The following ADAM22 variants were observed in gnomAD, a reference collection of about 807,000 sequenced individuals.
ADAM22 encodes ADAM metallopeptidase domain 22, also known as disintegrin and metalloproteinase domain-containing protein 22.
ADAM22 carries 65 observed loss-of-function variants against 144.6 expected under a neutral mutation model. That is an observed-to-expected ratio of 0.45 (90% CI 0.37 to 0.55). ADAM22 has a LOEUF of 0.55. Ranked by LOEUF, ADAM22 falls within the 20% of genes least tolerant of loss-of-function variation. ADAM22 has a pLI of 0.00. For missense variants in ADAM22, 974 were observed against 1,184.9 expected, an observed-to-expected ratio of 0.82 and a Z score of 2.61; for synonymous variants, 391 against 412.6, an observed-to-expected ratio of 0.95 and a Z score of 0.63.
At chr7:88,030,701 T>A (rs931829447) in intron 3 of ADAM22, among the ~76,000 whole-genome samples, 1 of 152,142 alleles carries the variant, frequency 6.6e-6, no homozygotes, top group African/African-American at 2.4e-5. Context: ...GCTCTCTCTC[T>A]CTCATGCCAG....
At chr7:88,015,106 AG>A (rs1796273699) in intron 3 of ADAM22, among the ~76,000 whole-genome samples, 1 of 152,206 alleles carries the variant, frequency 6.6e-6, no homozygotes, top group East Asian at 1.9e-4. Context: ...TTTAATAAAG[AG>A]AAAAAGAAAT....
At chr7:88,138,021 G>A (rs1417436962) in intron 14 of ADAM22, among the ~76,000 whole-genome samples, 1 of 152,064 alleles carries the variant, frequency 6.6e-6, no homozygotes, top group African/African-American at 2.4e-5. Flanking sequence ...AGTCGTGGTG[G>A]CACACACCTG....
intron 3 of ADAM22, among the ~76,000 whole-genome samples, chr7:88,018,689 A>G (rs1161414779): frequency 6.6e-6 from 1 of 152,204 alleles, no homozygotes; most frequent in Non-Finnish European, 1.5e-5. Flanking sequence ...AAGATTCCCA[A>G]TGGTATGTTC....
intron 5 of ADAM22, among the ~76,000 whole-genome samples, chr7:88,110,877 G>A (rs1357757404): frequency 7.4e-6 from 1 of 134,520 alleles, no homozygotes; most frequent in East Asian, 2.2e-4. Flanking sequence ...TGAGTAGCTG[G>A]GATTACAGGT....
intron 4 of ADAM22, among the ~76,000 whole-genome samples, chr7:88,079,413 C>A (rs1324361642): frequency 6.6e-5 from 10 of 152,110 alleles, no homozygotes. Flanking sequence ...TAAAGACCAT[C>A]GAGGCTAGGA....
chr7:88,136,384 A>C (rs1832982148), intron 14 of ADAM22, among the ~76,000 whole-genome samples: 1 of 152,140 alleles, frequency 6.6e-6, no homozygotes, highest in Admixed American at 6.5e-5. Context: ...AAAATTAGAA[A>C]ACAGCCTGGA....
At position 88,145,173 on chromosome 7, in the gene ADAM22, G is replaced by T; in HGVS notation, c.1369G>T (p.Glu457Ter). Reference protein sequence around the residue: ...CGNGFIETGEECDCGTPAECV... With the variant: ...CGNGFIETGE ...CAATGGCTTCATTGAAACTGGAGAG[G>T]AGTGTGATTGTGGAACCCCGGCCGT... is the stretch of plus-strand genomic sequence containing the variant. The change falls in exon 16 of 32, where the codon GAG becomes TAG. Residue 457 changes from glutamate (E) to a stop codon, truncating the protein, a stop_gained. Transcript: ENST00000413139. LOFTEE classifies it high-confidence loss of function. 2.5e-6 allele frequency: 4 copies of T among 1,613,734 alleles called. No individual in the cohort carries two copies. Among genetic ancestry groups the T allele is most frequent in the Non-Finnish European group, 3.4e-6 (4 of 1,179,848 alleles).
chr7:88,136,801 C>T (rs370998000), intron 14 of ADAM22, among the ~76,000 whole-genome samples: 2 of 151,540 alleles, frequency 1.3e-5, no homozygotes, highest in South Asian at 4.2e-4. Context: ...ACCACCTGTT[C>T]CCCCAAAATC....
At chr7:88,158,670 A>G (rs1301678601) in intron 22 of ADAM22, among the ~76,000 whole-genome samples, 1 of 152,162 alleles carries the variant, frequency 6.6e-6, no homozygotes, top group East Asian at 1.9e-4. Flanking sequence ...TAGGTAAATA[A>G]TGAAATTAAG....
At chr7:88,139,276 G>C (rs1833918188) in intron 14 of ADAM22, among the ~76,000 whole-genome samples, 1 of 152,048 alleles carries the variant, frequency 6.6e-6, no homozygotes, top group African/African-American at 2.4e-5. Context: ...AAATTAGCTG[G>C]ATATGATGGC....
chr7:87,944,999 T>TTTC (rs3831540), intron 2 of ADAM22, among the ~76,000 whole-genome samples: 112,371 of 149,712 alleles, frequency 0.75, 43,313 homozygotes, highest in African/African-American at 0.94. Flanking sequence ...CTTTCACCTC[T>TTTC]TTCTTCTTCT....
intron 3 of ADAM22, among the ~76,000 whole-genome samples, chr7:88,071,313 A>G (rs1812721150): frequency 6.6e-6 from 1 of 151,054 alleles, no homozygotes; most frequent in Non-Finnish European, 1.5e-5. Flanking sequence ...TGAATAGGGT[A>G]TGTGAATGAT....
chr7:88,188,066 C>CT (rs1208994912), intron 30 of ADAM22, among the ~76,000 whole-genome samples: 2 of 151,914 alleles, frequency 1.3e-5, no homozygotes, highest in African/African-American at 4.8e-5. Flanking sequence ...ATGATTTTGA[C>CT]TGTTATTTGG....
chr7:87,994,067 T>C (rs1362311333), intron 3 of ADAM22, among the ~76,000 whole-genome samples: 1 of 152,122 alleles, frequency 6.6e-6, no homozygotes, highest in East Asian at 1.9e-4. Context: ...TTTCCTGATA[T>C]AAAGAATACA....
At chr7:88,143,353 G>A (rs1687881222) in intron 15 of ADAM22, among the ~76,000 whole-genome samples, 1 of 152,210 alleles carries the variant, frequency 6.6e-6, no homozygotes, top group South Asian at 2.1e-4. Flanking sequence ...TTTGCTGTCT[G>A]AAAAATTTCC....
intron 18 of ADAM22, among the ~76,000 whole-genome samples, chr7:88,150,176 A>G (rs755958554): frequency 6.6e-6 from 1 of 152,156 alleles, no homozygotes; most frequent in Non-Finnish European, 1.5e-5. Flanking sequence ...GAACAGCAAT[A>G]TTGACATTCC....
At chr7:88,066,760 A>G (rs1811355912) in intron 3 of ADAM22, among the ~76,000 whole-genome samples, 1 of 152,224 alleles carries the variant, frequency 6.6e-6, no homozygotes, top group South Asian at 2.1e-4. Context: ...CAGCAAGAGA[A>G]AGGAGAAAAA....
intron 2 of ADAM22, among the ~76,000 whole-genome samples, chr7:87,949,001 G>A (rs1031661697): frequency 3.9e-5 from 6 of 152,172 alleles, no homozygotes; most frequent in Admixed American, 6.5e-5. Flanking sequence ...GTGATTGTAT[G>A]TACTTTTGAG....
intron 3 of ADAM22, among the ~76,000 whole-genome samples, chr7:87,994,778 T>A (rs1245961509): frequency 2.0e-5 from 3 of 152,124 alleles, no homozygotes; most frequent in East Asian, 1.9e-4. Flanking sequence ...CACAAGTAGG[T>A]CTTCTTCAAT....
Sources: gnomAD v4.1 joint callset for allele counts (sites outside exome capture counted in the v4.1 genomes callset) on GRCh38, gnomAD v4.1.1 for gene constraint, MANE v1.5 for transcripts, NCBI Gene and HGNC (gene_info 2026-07-23, HGNC 2026-07-21) for gene names.